The following MCC variants were observed in gnomAD, a reference collection of about 807,000 sequenced individuals.
The protein encoded by MCC is colorectal mutant cancer protein.
Under a neutral mutation model 116.2 loss-of-function variants are expected in MCC, and 90 were observed. The ratio of observed to expected loss-of-function variants is 0.77; its 90% confidence interval spans 0.65 to 0.92. The LOEUF (loss-of-function observed/expected upper bound fraction) is 0.92. MCC is among the 40% of genes least tolerant of loss of function. The probability of loss-of-function intolerance (pLI) is 0.00; values close to 1 mark genes in which losing one functional copy is unlikely to be tolerated. For missense variants in MCC, 1,516 were observed against 1,312.2 expected, an observed-to-expected ratio of 1.16 and a Z score of -2.40; for synonymous variants, 578 against 510.5, an observed-to-expected ratio of 1.13 and a Z score of -1.78.
At chr5:113,233,987 T>A (rs953483526) in intron 3 of MCC, among the ~76,000 whole-genome samples, 1 of 152,090 alleles carries the variant, frequency 6.6e-6, no homozygotes, top group African/African-American at 2.4e-5. Flanking sequence ...GTCCTACCAC[T>A]CTCTACCGCA....
intron 3 of MCC, among the ~76,000 whole-genome samples, chr5:113,164,579 T>C (rs978950598): frequency 3.3e-5 from 5 of 152,220 alleles, no homozygotes; most frequent in Non-Finnish European, 5.9e-5. Context: ...TCGATCACTT[T>C]ACAAGAGTTT....
At chr5:113,417,287 T>A (rs1401299330) in intron 1 of MCC, among the ~76,000 whole-genome samples, 1 of 152,192 alleles carries the variant, frequency 6.6e-6, no homozygotes, top group Non-Finnish European at 1.5e-5. Context: ...TTTTTTATGC[T>A]CCTGCCTAAT....
chr5:113,084,275 T>G, intron 9 of MCC, 85 bp from the exon 10 acceptor site: 1 of 1,030,038 alleles, frequency 9.7e-7, no homozygotes, highest in Non-Finnish European at 1.5e-6. Flanking sequence ...CAGGGCTACT[T>G]TTTAGCCATG....
chr5:113,352,129 A>G (rs1042604275), intron 2 of MCC, among the ~76,000 whole-genome samples: 4 of 152,212 alleles, frequency 2.6e-5, no homozygotes, highest in East Asian at 1.9e-4. Context: ...TAAAAAAACT[A>G]TAGTAGACTG....
chr5:113,038,972 C>T (rs2150212222), intron 17 of MCC, among the ~76,000 whole-genome samples: 1 of 152,234 alleles, frequency 6.6e-6, no homozygotes, highest in Non-Finnish European at 1.5e-5. Context: ...CTGGGCACAG[C>T]CCCTGGATGG....
At chr5:113,472,796 T>C (rs927452918) in intron 1 of MCC, among the ~76,000 whole-genome samples, 7 of 152,256 alleles carry the variant, frequency 4.6e-5, no homozygotes, top group African/African-American at 1.7e-4. Flanking sequence ...TCTGGAAGCA[T>C]GTAAGCATAT....
chr5:113,388,387 G>C (rs537102719), intron 1 of MCC, among the ~76,000 whole-genome samples: 13 of 152,262 alleles, frequency 8.5e-5, no homozygotes, highest in African/African-American at 3.1e-4. Context: ...ATATGGTTTG[G>C]ATGTTCACCC....
intron 3 of MCC, chr5:113,234,599 A>T (rs974424221): frequency 6.6e-6 from 1 of 152,162 alleles, no homozygotes; most frequent in Non-Finnish European, 1.5e-5. Flanking sequence ...CTCTATCTCT[A>T]CCCATAGTTT....
At chr5:113,356,793 C>G (rs1190044970) in intron 2 of MCC, among the ~76,000 whole-genome samples, 2 of 152,208 alleles carry the variant, frequency 1.3e-5, no homozygotes, top group African/African-American at 2.4e-5. Context: ...TCTGGAACAC[C>G]TAAAATTTAC....
At chr5:113,268,667 A>T (rs1047146713) in intron 3 of MCC, among the ~76,000 whole-genome samples, 1 of 152,210 alleles carries the variant, frequency 6.6e-6, no homozygotes, top group African/African-American at 2.4e-5. Context: ...GAGCTCCCAG[A>T]AATTTACTAT....
At position 113,101,768 on chromosome 5, in the gene MCC, G is replaced by A. The variant is rs780409318; in HGVS notation, c.1369C>T (p.Arg457Trp). The A allele has an allele frequency of 4.5e-5, 72 of 1,613,226 alleles. No homozygotes were observed. Among genetic ancestry groups the A allele is most frequent in the Middle Eastern group, 1.6e-4 (1 of 6,084 alleles). Residue 457 changes from arginine to tryptophan, a missense_variant, in exon 8 of 19, where the codon CGG (arginine) becomes TGG (tryptophan). Coordinates refer to ENST00000408903, the MANE Select transcript of MCC (RefSeq NM_001085377.2). The part of the protein sequence containing the change: ...NRTKATMNAI[R>W]EERDRLRRRV... ...CTCCGGAGCCGGTCCCGCTCTTCCC[G>A]GATGGCATTCATGGTGGCCTTAGTC...
At chr5:113,183,503 T>C (rs1409487883) in intron 3 of MCC, among the ~76,000 whole-genome samples, 1 of 150,244 alleles carries the variant, frequency 6.7e-6, no homozygotes, top group Admixed American at 6.6e-5. Context: ...CAAAGTCAGC[T>C]ACCTCCCTCC....
At chr5:113,039,311 G>A (rs1477710275) in intron 17 of MCC, among the ~76,000 whole-genome samples, 1 of 152,196 alleles carries the variant, frequency 6.6e-6, no homozygotes, top group Non-Finnish European at 1.5e-5. Context: ...GGCCTCCCCA[G>A]TAGCTGGAAC....
chr5:113,229,636 A>G (rs146958869), intron 3 of MCC, among the ~76,000 whole-genome samples: 12 of 152,364 alleles, frequency 7.9e-5, no homozygotes, highest in African/African-American at 2.2e-4. Flanking sequence ...CATGTGCTGC[A>G]TAACAACATT....
chr5:113,136,815 T>C (rs1369530046), intron 5 of MCC, among the ~76,000 whole-genome samples: 1 of 152,188 alleles, frequency 6.6e-6, no homozygotes, highest in Non-Finnish European at 1.5e-5. Context: ...CAAGGTGAAT[T>C]TGACTTCTTC....
chr5:113,086,068 C>T (rs1755181593), intron 8 of MCC, among the ~76,000 whole-genome samples: 1 of 152,256 alleles, frequency 6.6e-6, no homozygotes, highest in Admixed American at 6.5e-5. Flanking sequence ...GGACGAGGAC[C>T]CAGGATGATA....
intron 2 of MCC, among the ~76,000 whole-genome samples, chr5:113,341,830 A>G (rs1240279420): frequency 1.0e-5 from 1 of 100,202 alleles, no homozygotes; most frequent in African/African-American, 6.1e-5. Context: ...AGAAAAGAAA[A>G]CTTTTTTTTA....
intron 1 of MCC, among the ~76,000 whole-genome samples, chr5:113,395,149 G>T (rs1306966157): frequency 1.3e-5 from 2 of 152,154 alleles, no homozygotes; most frequent in African/African-American, 4.8e-5. Flanking sequence ...ACAAATAAAT[G>T]AATACGTGGG....
intron 17 of MCC, among the ~76,000 whole-genome samples, chr5:113,030,021 A>G (rs1750847105): frequency 6.6e-6 from 1 of 152,228 alleles, no homozygotes. Flanking sequence ...GCTTTAGAAC[A>G]ACTTACTGAA....
Sources: gnomAD v4.1 joint callset for allele counts (sites outside exome capture counted in the v4.1 genomes callset) on GRCh38, gnomAD v4.1.1 for gene constraint, MANE v1.5 for transcripts, NCBI Gene and HGNC (gene_info 2026-07-23, HGNC 2026-07-21) for gene names.